Variants in ZC3HAV1 observed in about 807,000 individuals in gnomAD.
The protein encoded by ZC3HAV1 is zinc finger CCCH-type containing, antiviral 1.
In ZC3HAV1, 41 loss-of-function variants were observed where a neutral mutation model predicts 86.6. The observed-to-expected ratio is 0.47, with a 90% confidence interval of 0.37 to 0.61. The LOEUF (loss-of-function observed/expected upper bound fraction) is 0.61, where lower values mean the gene tolerates loss of function less well. Among genes scored for constraint, ZC3HAV1 ranks in the 20% least tolerant of loss-of-function variants. ZC3HAV1 has a pLI of 0.00. For synonymous variants in ZC3HAV1, 421 were observed against 432.1 expected (o/e 0.97, Z 0.32); for missense variants, 964 against 1,141.1 (o/e 0.84, Z 2.24).
At chr7:139,073,499 A>T (rs1463196107) in intron 7 of ZC3HAV1, among the ~76,000 whole-genome samples, 1 of 151,768 alleles carries the variant, frequency 6.6e-6, no homozygotes, top group East Asian at 1.9e-4. Flanking sequence ...TTATTTATTT[A>T]TTTATTTTGG....
intron 4 of ZC3HAV1, chr7:139,079,121 G>T: frequency 3.9e-6 from 6 of 1,536,178 alleles, no homozygotes; most frequent in Non-Finnish European, 5.2e-6. Flanking sequence ...AGAGCCTGTT[G>T]TCTTCCTTGT....
In ZC3HAV1 at chr7:139,047,785, TAAC is replaced by T; in HGVS notation, c.2515_2517del (p.Val839del). ...CCAACCAGAACTTGGGCTACAAACA[TAAC>T]GACGTTTTTGGCATCATACGGGCAA... On this transcript the variant is annotated inframe_deletion, in exon 13 of 13. Coordinates refer to ENST00000242351, the MANE Select transcript of ZC3HAV1 (RefSeq NM_020119.4). The T allele has an allele frequency of 6.2e-7, 1 of 1,614,084 alleles. No homozygotes were observed. Among genetic ancestry groups the T allele is most frequent in the South Asian group, 1.1e-5 (1 of 91,056 alleles).
intron 1 of ZC3HAV1, among the ~76,000 whole-genome samples, chr7:139,091,595 CG>C (rs1271234841): frequency 6.6e-6 from 1 of 152,148 alleles, no homozygotes; most frequent in East Asian, 1.9e-4. Flanking sequence ...ATTGTTCTGA[CG>C]GCCATTAGCC....
chr7:139,089,332 C>T (rs1158955001), intron 2 of ZC3HAV1, among the ~76,000 whole-genome samples: 1 of 152,148 alleles, frequency 6.6e-6, no homozygotes, highest in Non-Finnish European at 1.5e-5. Context: ...AAGAAGCCAC[C>T]TTGATTTAAA....
At chr7:139,091,167 G>A (rs1303627863) in intron 1 of ZC3HAV1, among the ~76,000 whole-genome samples, 1 of 150,764 alleles carries the variant, frequency 6.6e-6, no homozygotes, top group East Asian at 1.9e-4. Context: ...CAATCCCGGA[G>A]GAAAGACTCC....
chr7:139,063,657 G>A (rs979649012), intron 8 of ZC3HAV1, among the ~76,000 whole-genome samples: 1 of 149,882 alleles, frequency 6.7e-6, no homozygotes, highest in Non-Finnish European at 1.5e-5. Context: ...CAGGGAGGTT[G>A]AGGCTGCAGT....
chr7:139,053,342 C>T, intron 12 of ZC3HAV1, 109 bp downstream of exon 12: 1 of 1,341,248 alleles, frequency 7.5e-7, no homozygotes, highest in Non-Finnish European at 9.9e-7. Flanking sequence ...ACCACTAGAG[C>T]CTGGACACTC....
intron 1 of ZC3HAV1, among the ~76,000 whole-genome samples, chr7:139,104,443 G>T (rs555893101): frequency 1.3e-5 from 2 of 152,330 alleles, no homozygotes; most frequent in African/African-American, 4.8e-5. Flanking sequence ...GCCGGGCGCG[G>T]TGGCTCACGC....
chr7:139,079,998 C>G lies in ZC3HAV1; in HGVS notation c.943G>C (p.Ala315Pro). The G allele has an allele frequency of 6.2e-7, 1 of 1,614,156 alleles. No individual in the cohort carries two copies. Among genetic ancestry groups the G allele is most frequent in the Non-Finnish European group, 8.5e-7 (1 of 1,180,024 alleles). ...TGACTTGTTCCTCCAAGATCAGTAG[C>G]CTTGGACGAGCCTGAGGGAGGCCGA... ...RARPPSGSSK[A>P]TDLGGTSQAG... is the part of the protein sequence containing the mutation. Residue 315 changes from alanine to proline, a missense_variant, in exon 4 of 13, where the codon GCT becomes CCT. Physicochemically the swap from Ala to Pro is conservative, Grantham distance 27. Transcript: ENST00000242351.
intron 1 of ZC3HAV1, among the ~76,000 whole-genome samples, chr7:139,097,428 A>ATATATATATATTTTTTT: frequency 4.2e-5 from 2 of 48,156 alleles, no homozygotes; most frequent in African/African-American, 2.3e-4. Context: ...ATATATATAT[A>ATATATATATATTTTTTT]TTTTTTTTTT....
chr7:139,060,266 T>C, intron 9 of ZC3HAV1: 1 of 985,426 alleles, frequency 1.0e-6, no homozygotes, highest in Non-Finnish European at 1.2e-6. Context: ...AACACCTTGA[T>C]TTTATACTTC....
At chr7:139,074,099 C>A in intron 6 of ZC3HAV1, 69 bp from the exon 7 acceptor site, 1 of 1,443,096 alleles carries the variant, frequency 6.9e-7, no homozygotes, top group East Asian at 2.4e-5. Context: ...CTCGTCTTCC[C>A]TAATGAGAGC....
At chr7:139,067,442 C>T (rs954785971) in intron 7 of ZC3HAV1, among the ~76,000 whole-genome samples, 1 of 152,130 alleles carries the variant, frequency 6.6e-6, no homozygotes, top group African/African-American at 2.4e-5. Context: ...TGAGCTACTG[C>T]ACCTGGCCAG....
chr7:139,077,818 A>C (rs1816997211), intron 5 of ZC3HAV1, among the ~76,000 whole-genome samples: 1 of 152,146 alleles, frequency 6.6e-6, no homozygotes. Flanking sequence ...CAAAACAAAC[A>C]AAAAAGACAG....
rs1309437781 is a variant in ZC3HAV1, at chr7:139,073,832, C to A, written c.1872+24G>T. ...AGTTGACAAGTTTAAACAAGAGCCC[C>A]CTACAAGGAGGAACAGTGCTCACCT... On this transcript the variant is annotated intron_variant, in intron 7 of 12. Coordinates refer to ENST00000242351, the MANE Select transcript of ZC3HAV1 (RefSeq NM_020119.4). The A allele has an allele frequency of 3.2e-6, 5 of 1,581,698 alleles. 1 individual carries two copies. The South Asian group carries it at 4.5e-5, about 14-fold the overall frequency.
chr7:139,087,914 C>A (rs541917637), intron 2 of ZC3HAV1, among the ~76,000 whole-genome samples: 1 of 151,578 alleles, frequency 6.6e-6, no homozygotes, highest in Non-Finnish European at 1.5e-5. Context: ...TGCCTGTAGT[C>A]CCAGATACTT....
At chr7:139,093,748 C>A (rs572392370) in intron 1 of ZC3HAV1, among the ~76,000 whole-genome samples, 10 of 152,174 alleles carry the variant, frequency 6.6e-5, no homozygotes, top group Non-Finnish European at 1.3e-4. Flanking sequence ...CGCCTGCATC[C>A]AGGTGAAATA....
At position 139,060,747 on chromosome 7, in the gene ZC3HAV1, G is replaced by A. The variant is rs1281882357; in HGVS notation, c.2096+289C>T. ...TATATGATTATTCCTTAGGTGTACTGCATCAATCCAGCTCTTCACAGCTGG... is the reference window on the plus strand; with the variant it reads ...TATATGATTATTCCTTAGGTGTACTACATCAATCCAGCTCTTCACAGCTGG... On this transcript the variant is annotated intron_variant, in intron 9 of 12. Transcript: ENST00000242351. 2.2e-5 allele frequency: 28 copies of A among 1,263,676 alleles called. 1 individual carries two copies. In the South Asian group the frequency reaches 4.3e-4, roughly 19 times the overall value. 78.3% of individuals were successfully genotyped at this position (1,263,676 alleles called of 1,614,324 possible). A position where few individuals can be genotyped will look rare whatever the true frequency, so the allele number is the denominator to read the frequency against.
chr7:139,087,543 T>C (rs2130716419), intron 2 of ZC3HAV1, among the ~76,000 whole-genome samples: 1 of 152,128 alleles, frequency 6.6e-6, no homozygotes. Flanking sequence ...AAATGGGACA[T>C]ATTTTCCTCC....
Sources: gnomAD v4.1 joint callset for allele counts (sites outside exome capture counted in the v4.1 genomes callset) on GRCh38, gnomAD v4.1.1 for gene constraint, MANE v1.5 for transcripts, NCBI Gene and HGNC (gene_info 2026-07-23, HGNC 2026-07-21) for gene names.